ZNF519: variants seen among roughly 807,000 people sequenced by gnomAD.
The protein encoded by ZNF519 is similar to Zinc finger protein 85 (Zinc finger protein HPF4) (HTF1).
A neutral mutation model predicts 7.4 loss-of-function variants in ZNF519; 7 were observed. The ratio of observed to expected loss-of-function variants is 0.94; its 90% CI spans 0.54 to 1.77. The LOEUF (loss-of-function observed/expected upper bound fraction) is 1.77. ZNF519 is among the 40% of genes most tolerant of loss of function. ZNF519 has a pLI of 0.00. For synonymous variants in ZNF519, 179 were observed against 203.3 expected (o/e 0.88, Z 1.02); for missense variants, 586 against 623.1 (o/e 0.94, Z 0.63).
chr18:14,107,460 T>C (rs1429883952), intron 2 of ZNF519, among the ~76,000 whole-genome samples: 1 of 152,186 alleles, frequency 6.6e-6, no homozygotes, highest in African/African-American at 2.4e-5. Flanking sequence ...TGAGCTTTCA[T>C]TGGGACTCTG....
At chr18:14,120,305 G>C (rs906104288) in intron 2 of ZNF519, among the ~76,000 whole-genome samples, 1 of 152,108 alleles carries the variant, frequency 6.6e-6, no homozygotes, top group Non-Finnish European at 1.5e-5. Context: ...AGAAAGTATA[G>C]TCTTGTCAAT....
intron 4 of ZNF519, among the ~76,000 whole-genome samples, chr18:14,077,948 T>C (rs1458266899): frequency 2.0e-5 from 3 of 152,198 alleles, no homozygotes; most frequent in African/African-American, 7.2e-5. Flanking sequence ...TTTTGGCACC[T>C]GGGACCCGTT....
chr18:14,093,756 G>C (rs557501228), intron 2 of ZNF519, among the ~76,000 whole-genome samples: 1 of 152,300 alleles, frequency 6.6e-6, no homozygotes, highest in Non-Finnish European at 1.5e-5. Flanking sequence ...CTTGACATCT[G>C]CCTTATCTGA....
chr18:14,091,375 G>A (rs1447237945), intron 2 of ZNF519, among the ~76,000 whole-genome samples: 3 of 152,062 alleles, frequency 2.0e-5, no homozygotes, highest in African/African-American at 7.2e-5. Flanking sequence ...AAGTTGTAAG[G>A]GAATTTTCTC....
chr18:14,112,108 G>T (rs945725753), intron 2 of ZNF519, among the ~76,000 whole-genome samples: 1 of 152,042 alleles, frequency 6.6e-6, no homozygotes, highest in Non-Finnish European at 1.5e-5. Flanking sequence ...TTCAGCAACA[G>T]ATTAAAAAGA....
At chr18:14,127,738 C>A (rs1292391344) in intron 1 of ZNF519, among the ~76,000 whole-genome samples, 1 of 152,146 alleles carries the variant, frequency 6.6e-6, no homozygotes, top group South Asian at 2.1e-4. Flanking sequence ...AGGTGGACTA[C>A]TTGACTGCTG....
At chr18:14,093,288 C>T (rs1329694475) in intron 2 of ZNF519, among the ~76,000 whole-genome samples, 1 of 152,138 alleles carries the variant, frequency 6.6e-6, no homozygotes, top group African/African-American at 2.4e-5. Flanking sequence ...CACTCATCCC[C>T]CTCCATCCTG....
intron 2 of ZNF519, among the ~76,000 whole-genome samples, chr18:14,087,719 A>AT (rs1468823502): frequency 1.3e-5 from 2 of 152,254 alleles, no homozygotes; most frequent in African/African-American, 4.8e-5. Flanking sequence ...AAATCGTATC[A>AT]TTTATGTACA....
Position 14,085,460 on chromosome 18 carries a change from C to A in ZNF519, c.131-384G>T, listed in dbSNP as rs554128307. 6.6e-5 allele frequency among the ~76,000 whole-genome samples: 10 copies of A among 151,964 alleles called. No homozygotes were observed. In the South Asian group the frequency reaches 2.1e-3, roughly 32 times the overall value. The stretch of plus-strand genomic sequence containing the variant: ...ATCTTTAAGAGAGGAAGGGGTGAGG[C>A]AAATGGAAAAATAAGGCCCTCCAGT... On this transcript the variant is annotated intron_variant and NMD_transcript_variant, in intron 2 of 4. Coordinates refer to the ZNF519 transcript ENST00000587419.
intron 1 of ZNF519, among the ~76,000 whole-genome samples, chr18:14,124,876 G>A (rs2046289876): frequency 6.6e-6 from 1 of 152,094 alleles, no homozygotes; most frequent in African/African-American, 2.4e-5. Context: ...GGATCTCTGG[G>A]GAGGGCACAG....
chr18:14,082,179 ACAC>A (rs1203924666), intron 3 of ZNF519: 2 of 152,164 alleles, frequency 1.3e-5, no homozygotes, highest in African/African-American at 4.8e-5. Flanking sequence ...CATAATTAGA[ACAC>A]CACTTTAGTT....
At chr18:14,111,859 A>G (rs1321600967) in intron 2 of ZNF519, among the ~76,000 whole-genome samples, 1 of 152,236 alleles carries the variant, frequency 6.6e-6, no homozygotes, top group East Asian at 1.9e-4. Context: ...TAAAACTAAT[A>G]GCAATCTGAC....
intron 2 of ZNF519, among the ~76,000 whole-genome samples, chr18:14,121,021 C>G (rs1365989895): frequency 6.6e-6 from 1 of 151,862 alleles, no homozygotes; most frequent in African/African-American, 2.4e-5. Flanking sequence ...AGAAGGAAAT[C>G]TAGCCATTTA....
At chr18:14,115,567 G>C (rs1350664729) in intron 2 of ZNF519, among the ~76,000 whole-genome samples, 2 of 152,124 alleles carry the variant, frequency 1.3e-5, no homozygotes, top group East Asian at 1.9e-4. Flanking sequence ...AAACAGAACA[G>C]AGCACATCAA....
At chr18:14,122,739 AACT>A (rs1327358460) in intron 2 of ZNF519, 1 of 152,166 alleles carries the variant, frequency 6.6e-6, no homozygotes, top group Admixed American at 6.5e-5. Flanking sequence ...AAGATTCCCA[AACT>A]ACATTTTTTT....
At chr18:14,119,901 G>A (rs2046262707) in intron 2 of ZNF519, among the ~76,000 whole-genome samples, 1 of 152,118 alleles carries the variant, frequency 6.6e-6, no homozygotes, top group Non-Finnish European at 1.5e-5. Context: ...ATTAAATACA[G>A]TAAGATATTG....
chr18:14,079,939 A>G (rs950016122), intron 3 of ZNF519, among the ~76,000 whole-genome samples: 2 of 152,224 alleles, frequency 1.3e-5, no homozygotes, highest in African/African-American at 4.8e-5. Flanking sequence ...CTACTCTGTG[A>G]AAGACAATAT....
chr18:14,085,810 G>A lies in ZNF519; in HGVS notation c.131-734C>T, dbSNP rs116005488. Among the ~76,000 whole-genome samples the A allele has an allele frequency of 7.7e-3, 1,174 of 152,302 alleles. 18 individuals are homozygous for A. The highest frequency in any genetic ancestry group is 0.026 in the African/African-American group (1,072 of 41,564). On this transcript the variant is annotated intron_variant and NMD_transcript_variant, in intron 2 of 4. Transcript: ENST00000587419. ...CACTGACCCCAGGCCAAAACCCATG[G>A]ACAAAGTCTCTGGAATCACCCCAGC...
At chr18:14,111,442 G>A (rs1424605004) in intron 2 of ZNF519, among the ~76,000 whole-genome samples, 1 of 150,238 alleles carries the variant, frequency 6.7e-6, no homozygotes, top group Non-Finnish European at 1.5e-5. Context: ...AGGAGAAGGA[G>A]GTTGCAGTGA....
Sources: allele counts gnomAD v4.1 joint callset (sites outside exome capture counted in the v4.1 genomes callset), GRCh38; gene constraint gnomAD v4.1.1; transcripts MANE v1.5; gene names NCBI Gene and HGNC (gene_info 2026-07-23, HGNC 2026-07-21).